The following DLGAP2 variants were observed in gnomAD, a reference collection of about 807,000 sequenced individuals.
DLGAP2 encodes the protein DLG associated protein 2, also known as disks large-associated protein 2.
DLGAP2 carries 26 observed loss-of-function variants against 100.3 expected under a neutral mutation model. That is an observed-to-expected ratio of 0.26 (90% CI 0.19 to 0.36). The LOEUF (loss-of-function observed/expected upper bound fraction) is 0.36. Among genes scored for constraint, DLGAP2 ranks in the 10% least tolerant of loss-of-function variants. DLGAP2 has a pLI of 1.00. For missense variants in DLGAP2, 1,858 were observed against 1,453.2 expected (o/e 1.28, Z -4.53); for synonymous variants, 886 against 630.1 (o/e 1.41, Z -6.08).
chr8:1,554,601 G>A (rs1026498369), intron 5 of DLGAP2, among the ~76,000 whole-genome samples: 3 of 152,082 alleles, frequency 2.0e-5, no homozygotes, highest in Non-Finnish European at 4.4e-5. Context: ...TCTTTGTCCC[G>A]CTTTGCCCCT....
intron 6 of DLGAP2, among the ~76,000 whole-genome samples, chr8:1,585,029 CT>C (rs1213303794): frequency 9.9e-6 from 1 of 101,466 alleles, no homozygotes; most frequent in Non-Finnish European, 2.0e-5. Context: ...AAATTTTGTG[CT>C]TTACTTATTC....
At chr8:1,450,643 C>A (rs967685411) in intron 3 of DLGAP2, among the ~76,000 whole-genome samples, 2 of 151,988 alleles carry the variant, frequency 1.3e-5, no homozygotes, top group African/African-American at 4.8e-5. Context: ...TCTTCCCCCC[C>A]ATCATTCCCA....
chr8:1,438,611 C>A (rs1433721627), intron 3 of DLGAP2, among the ~76,000 whole-genome samples: 1 of 151,986 alleles, frequency 6.6e-6, no homozygotes, highest in East Asian at 1.9e-4. Context: ...AGGAAAGAAC[C>A]GAGAACTATT....
chr8:1,695,554 C>T (rs1799375037), intron 13 of DLGAP2, among the ~76,000 whole-genome samples: 1 of 144,866 alleles, frequency 6.9e-6, no homozygotes, highest in South Asian at 2.2e-4. Flanking sequence ...AGAGAGGGCA[C>T]AGCCATGCCC....
chr8:983,169 G>A (rs991519416), intron 2 of DLGAP2, among the ~76,000 whole-genome samples: 6 of 152,158 alleles, frequency 3.9e-5, no homozygotes, highest in East Asian at 1.9e-4. Flanking sequence ...CTTGAAAATC[G>A]GACACTGATG....
rs1362103813 is a variant in DLGAP2, at chr8:1,701,201, T to C, written c.2963T>C (p.Val988Ala). 4.5e-6 allele frequency: 7 copies of C among 1,563,930 alleles called. No homozygotes were observed. Among genetic ancestry groups the C allele is most frequent in the East Asian group, 2.4e-5 (1 of 41,630 alleles). The part of the protein sequence containing the change: ...ESPERKEERK[V>A]PPPIPKKPPK... ...GCTGCTTTTCAGGAAGAAAGAAAGG[T>C]CCCGCCTCCAATACCAAAGAAGCCT... is the stretch of plus-strand genomic sequence containing the variant. The change falls in exon 15 of 15, where the codon GTC becomes GCC. Residue 988 changes from valine (V) to alanine (A), a missense_variant. Coordinates refer to ENST00000637795, the MANE Select transcript of DLGAP2 (RefSeq NM_001346810.2).
chr8:1,191,926 A>G (rs927655623), intron 2 of DLGAP2, among the ~76,000 whole-genome samples: 1 of 152,188 alleles, frequency 6.6e-6, no homozygotes, highest in Non-Finnish European at 1.5e-5. Flanking sequence ...TGATCCCTCA[A>G]CTACGGCCAT....
At chr8:915,237 G>A (rs958973057) in intron 2 of DLGAP2, among the ~76,000 whole-genome samples, 23 of 152,202 alleles carry the variant, frequency 1.5e-4, no homozygotes, top group South Asian at 1.2e-3. Flanking sequence ...TCCCTTGGGA[G>A]GAGGGAACAT....
chr8:1,039,259 AGTTTCCATGGTCGGCTCG>A (rs1318398031), intron 2 of DLGAP2, among the ~76,000 whole-genome samples: 23 of 75,022 alleles, frequency 3.1e-4, no homozygotes, highest in East Asian at 2.6e-3. Flanking sequence ...TGGTCGTCTC[AGTTTCCATGGTCGGCTCG>A]GTTTCCATGG....
chr8:1,594,431 A>C (rs951993112), intron 6 of DLGAP2, among the ~76,000 whole-genome samples: 9 of 152,126 alleles, frequency 5.9e-5, no homozygotes, highest in African/African-American at 1.9e-4. Context: ...TATGGAGCTG[A>C]AGAACATAAT....
intron 6 of DLGAP2, among the ~76,000 whole-genome samples, chr8:1,598,292 C>T (rs1423310805): frequency 4.6e-5 from 7 of 152,170 alleles, no homozygotes; most frequent in African/African-American, 1.7e-4. Flanking sequence ...ATTTCTGCAT[C>T]CATGTTCATC....
chr8:917,875 G>A (rs767345173), intron 2 of DLGAP2, among the ~76,000 whole-genome samples: 3 of 152,104 alleles, frequency 2.0e-5, no homozygotes, highest in Non-Finnish European at 2.9e-5. Context: ...TACTGCGCCC[G>A]GCCTCCAGAG....
chr8:1,576,935 G>C (rs1417214348), intron 6 of DLGAP2, among the ~76,000 whole-genome samples: 1 of 152,028 alleles, frequency 6.6e-6, no homozygotes, highest in Non-Finnish European at 1.5e-5. Context: ...AGTTCTTATG[G>C]AAACAAAAAA....
intron 2 of DLGAP2, among the ~76,000 whole-genome samples, chr8:1,180,810 C>T (rs182758559): frequency 6.6e-6 from 1 of 151,496 alleles, no homozygotes; most frequent in African/African-American, 2.4e-5. Context: ...AGTACACTTA[C>T]CGTTGAGTGT....
At chr8:1,667,955 T>A (rs574090933) in intron 8 of DLGAP2, among the ~76,000 whole-genome samples, 1 of 151,696 alleles carries the variant, frequency 6.6e-6, no homozygotes, top group African/African-American at 2.4e-5. Context: ...CGCTGCTGGA[T>A]TTGTTGGTAT....
intron 2 of DLGAP2, among the ~76,000 whole-genome samples, chr8:922,664 A>G (rs1055575890): frequency 1.3e-5 from 2 of 152,224 alleles, no homozygotes; most frequent in Non-Finnish European, 2.9e-5. Context: ...AAATAGTTTT[A>G]CTATGTATTT....
chr8:1,379,458 G>A (rs1022996561), intron 3 of DLGAP2: 1 of 152,266 alleles, frequency 6.6e-6, no homozygotes, highest in Non-Finnish European at 1.5e-5. Context: ...CGTCTGCCGA[G>A]GCCTCTCCTC....
At chr8:851,403 G>A (rs1244229237) in intron 1 of DLGAP2, among the ~76,000 whole-genome samples, 3 of 152,220 alleles carry the variant, frequency 2.0e-5, no homozygotes, top group African/African-American at 7.2e-5. Flanking sequence ...ACCTGTGAGC[G>A]ACATGTAAGC....
At chr8:1,102,201 A>T (rs2129043940) in intron 2 of DLGAP2, among the ~76,000 whole-genome samples, 1 of 148,274 alleles carries the variant, frequency 6.7e-6, no homozygotes, top group Admixed American at 6.8e-5. Context: ...ATTGAATTAC[A>T]TATTGAATAT....
Sources: allele counts gnomAD v4.1 joint callset (sites outside exome capture counted in the v4.1 genomes callset), GRCh38; gene constraint gnomAD v4.1.1; transcripts MANE v1.5; gene names NCBI Gene and HGNC (gene_info 2026-07-23, HGNC 2026-07-21).